Variants in NPEPPS observed in about 807,000 individuals in gnomAD.
The protein encoded by NPEPPS is aminopeptidase puromycin sensitive.
NPEPPS carries 14 observed loss-of-function variants against 115.5 expected under a neutral mutation model. The observed-to-expected ratio is 0.12, with a 90% CI of 0.08 to 0.19. The LOEUF is 0.19. Among genes scored for constraint, NPEPPS ranks in the 10% least tolerant of loss-of-function variants. NPEPPS has a pLI of 1.00. For synonymous variants in NPEPPS, 285 were observed against 390.6 expected (o/e 0.73, Z 3.19); for missense variants, 523 against 1,110.8 (o/e 0.47, Z 7.52).
chr17:47,622,582 C>T lies in NPEPPS; in HGVS notation c.*662C>T, dbSNP rs1019647649. Reference sequence around the variant, plus strand: ...ACAAAAAGCAAAAAACAAAAACCTACCCTGTTCTGGTTTTTTTCCTCCCTT... The same window carrying T: ...ACAAAAAGCAAAAAACAAAAACCTATCCTGTTCTGGTTTTTTTCCTCCCTT... On this transcript the variant is annotated 3_prime_UTR_variant, in exon 23 of 23. Transcript: ENST00000322157. 7 of 271,310 alleles carry T rather than the reference C, an allele frequency of 2.6e-5. No individual in the cohort carries two copies. The highest frequency in any genetic ancestry group is 1.6e-4 in the African/African-American group (7 of 42,552). The allele number at this position is 271,310 out of a possible 1,614,324, so 16.8% of individuals were successfully genotyped here.
chr17:47,613,734 A>G lies in NPEPPS; in HGVS notation c.2295+9A>G. 2 of 1,605,258 alleles carry G rather than the reference A, an allele frequency of 1.2e-6. No homozygotes were observed. Among genetic ancestry groups the G allele is most frequent in the Non-Finnish European group, 1.7e-6 (2 of 1,174,340 alleles). On this transcript the variant is annotated intron_variant, in intron 19 of 22. Transcript: ENST00000322157. Reference sequence around the variant, plus strand: ...TAGATATTATGTTAAAAGTAAGTATATTTGAGAAGGCTCCCATTTCCTGCT... The same window carrying G: ...TAGATATTATGTTAAAAGTAAGTATGTTTGAGAAGGCTCCCATTTCCTGCT...
At chr17:47,537,529 A>C (rs963095173) in intron 1 of NPEPPS, among the ~76,000 whole-genome samples, 1 of 151,922 alleles carries the variant, frequency 6.6e-6, no homozygotes, top group African/African-American at 2.4e-5. Flanking sequence ...CCGTCTCTAC[A>C]AAAAAATACA....
intron 1 of NPEPPS, among the ~76,000 whole-genome samples, chr17:47,539,527 T>C (rs1908597867): frequency 9.1e-6 from 1 of 110,186 alleles, no homozygotes; most frequent in Non-Finnish European, 2.0e-5. Flanking sequence ...CATGCTTTTT[T>C]TGGGGGGGGA....
At position 47,622,714 on chromosome 17, in the gene NPEPPS, A is replaced by AT. The variant is rs1164557783; in HGVS notation, c.*801dup. 1.0e-5 allele frequency: 4 copies of AT among 392,578 alleles called. No homozygotes were observed. Among genetic ancestry groups the AT allele is most frequent in the South Asian group, 1.9e-5 (1 of 51,584 alleles). 24.3% of individuals were successfully genotyped at this position (392,578 alleles called of 1,614,324 possible). On this transcript the variant is annotated 3_prime_UTR_variant, in exon 23 of 23. Coordinates refer to ENST00000322157, the MANE Select transcript of NPEPPS (RefSeq NM_006310.4). ...TAAATAAGAGAAACTGATATACATTATTTTTTTCTTTTTAAAGATGACTTA... is the reference window on the plus strand; with the variant it reads ...TAAATAAGAGAAACTGATATACATTATTTTTTTTCTTTTTAAAGATGACTTA...
intron 19 of NPEPPS, among the ~76,000 whole-genome samples, chr17:47,617,511 A>ATTT (rs35481232): frequency 0.046 from 6,978 of 151,434 alleles, 217 homozygotes; most frequent in Middle Eastern, 0.16. Context: ...ATATATATAT[A>ATTT]TTTTTTAGGA....
intron 12 of NPEPPS, among the ~76,000 whole-genome samples, chr17:47,594,595 TG>T (rs1912733764): frequency 1.3e-4 from 6 of 47,818 alleles, no homozygotes; most frequent in East Asian, 5.9e-4. Context: ...TTTTATTTTA[TG>T]TTATGTTATG....
chr17:47,524,571 T>C (rs1597797138), intron 1 of NPEPPS, among the ~76,000 whole-genome samples: 1 of 151,796 alleles, frequency 6.6e-6, no homozygotes, highest in South Asian at 2.1e-4. Context: ...CTTGGCTCAC[T>C]GCAAGCTCTG....
intron 2 of NPEPPS, among the ~76,000 whole-genome samples, chr17:47,549,932 ATT>A (rs568065668): frequency 1.4e-5 from 2 of 143,270 alleles, no homozygotes; most frequent in East Asian, 2.1e-4. Context: ...GCTTCTTTTA[ATT>A]TTTTTTTTTT....
chr17:47,538,168 C>G (rs2143680431), intron 1 of NPEPPS, among the ~76,000 whole-genome samples: 1 of 146,208 alleles, frequency 6.8e-6, no homozygotes, highest in African/African-American at 2.5e-5. Context: ...GCTGGGATTA[C>G]AAGTGTGAGC....
At chr17:47,592,317 G>C (rs1301649729) in intron 11 of NPEPPS, among the ~76,000 whole-genome samples, 168 bp from the exon 12 acceptor site, 1 of 152,124 alleles carries the variant, frequency 6.6e-6, no homozygotes, top group Non-Finnish European at 1.5e-5. Context: ...AGAAGGCATA[G>C]AGTACGCATT....
upstream of NPEPPS, among the ~76,000 whole-genome samples, chr17:47,528,713 C>A (rs184336831): frequency 5.8e-3 from 881 of 152,110 alleles, 42 homozygotes; most frequent in Admixed American, 0.056. Context: ...CTCACTGCAA[C>A]CTCCGCCTTC....
chr17:47,612,291 TTATGA>T (rs1282928465), intron 17 of NPEPPS, among the ~76,000 whole-genome samples, 164 bp from the exon 18 acceptor site: 1 of 152,226 alleles, frequency 6.6e-6, no homozygotes, highest in Non-Finnish European at 1.5e-5. Flanking sequence ...CATATCACTC[TTATGA>T]TTTGATAAAT....
chr17:47,618,976 A>G, intron 20 of NPEPPS, 33 bp from the exon 21 acceptor site: 1 of 1,601,842 alleles, frequency 6.2e-7, no homozygotes. Context: ...TGTTTTTGAT[A>G]CACTAGACTT....
At chr17:47,547,898 C>T (rs1373486833) in intron 2 of NPEPPS, among the ~76,000 whole-genome samples, 4 of 152,146 alleles carry the variant, frequency 2.6e-5, no homozygotes, top group South Asian at 2.1e-4. Flanking sequence ...TGGTGGCGGG[C>T]GCCTGTGGTC....
At chr17:47,544,042 C>A (rs1260364141) in intron 1 of NPEPPS, among the ~76,000 whole-genome samples, 1 of 152,084 alleles carries the variant, frequency 6.6e-6, no homozygotes, top group East Asian at 1.9e-4. Flanking sequence ...CTACAGGCAC[C>A]TGCCACCATG....
Position 47,618,444 on chromosome 17 carries a change from C to T in NPEPPS, c.2390C>T (p.Thr797Met), listed in dbSNP as rs1483433089. ...LLPDLIQKVL[T>M]FALSEEVRPQ... is the part of the protein sequence containing the mutation. ...CCTGACCTGATTCAAAAAGTCCTCACGTTTGCACTTTCAGTAAGTTACGGT... is the reference window on the plus strand; with the variant it reads ...CCTGACCTGATTCAAAAAGTCCTCATGTTTGCACTTTCAGTAAGTTACGGT... The change falls in exon 20 of 23, where the codon ACG (threonine) becomes ATG (methionine). Residue 797 changes from threonine to methionine, a missense_variant. Around this residue, in one of 4 missense-constraint regions of NPEPPS, gnomAD observed 372 missense variants for 542.6 expected, o/e 0.69. Transcript: ENST00000322157. 10 of 1,612,052 alleles carry T rather than the reference C, an allele frequency of 6.2e-6. No homozygotes were observed. The highest frequency in any genetic ancestry group is 3.3e-5 in the South Asian group (3 of 91,036).
chr17:47,566,741 A>G (rs1399393331), intron 2 of NPEPPS, among the ~76,000 whole-genome samples: 1 of 151,988 alleles, frequency 6.6e-6, no homozygotes, highest in African/African-American at 2.4e-5. Context: ...AACATTCTTA[A>G]GCATTGAAGT....
At chr17:47,619,604 C>A (rs776071093) in intron 21 of NPEPPS, 133 bp from the exon 22 acceptor site, 19 of 740,734 alleles carry the variant, frequency 2.6e-5, no homozygotes, top group Non-Finnish European at 4.2e-5. Context: ...TTAAGGACTT[C>A]TCCATCTCCC....
intron 1 of NPEPPS, among the ~76,000 whole-genome samples, chr17:47,538,769 C>T (rs1030193270): frequency 2.0e-5 from 3 of 152,018 alleles, no homozygotes; most frequent in African/African-American, 7.2e-5. Context: ...ACCTTGTGAT[C>T]CACCCGCCTC....
Sources: gnomAD v4.1 joint callset for allele counts (sites outside exome capture counted in the v4.1 genomes callset) on GRCh38, gnomAD v4.1.1 for gene constraint, gnomAD v4.1.1 regional missense constraint, MANE v1.5 for transcripts, NCBI Gene and HGNC (gene_info 2026-07-23, HGNC 2026-07-21) for gene names.